Variants in DERL3 observed in about 807,000 individuals in gnomAD.
DERL3 encodes derlin-3.
A neutral mutation model predicts 23.8 loss-of-function variants in DERL3; 20 were observed. The ratio of observed to expected loss-of-function variants is 0.84; its 90% CI spans 0.59 to 1.22. The LOEUF is 1.22. Ranked by LOEUF, DERL3 falls within the 50% of genes most tolerant of loss-of-function variation. DERL3 has a pLI of 0.00. For synonymous variants in DERL3, 145 were observed against 132.5 expected (o/e 1.09, Z -0.65); for missense variants, 319 against 304.1 (o/e 1.05, Z -0.36).
Position 23,835,334 on chromosome 22 carries a change from G to A in DERL3, c.*1535C>T. On this transcript the variant is annotated 3_prime_UTR_variant, in exon 7 of 7. Transcript: ENST00000318109. ...CTGAAGAGAATGGGCACAGATCCGGGCACAGATCCCAGCACAGACTGCTGC... is the reference window on the plus strand; with the variant it reads ...CTGAAGAGAATGGGCACAGATCCGGACACAGATCCCAGCACAGACTGCTGC... 1.0e-6 allele frequency: 1 copy of A among 1,003,998 alleles called. No individual in the cohort carries two copies. Among genetic ancestry groups the A allele is most frequent in the Non-Finnish European group, 1.2e-6 (1 of 842,744 alleles). 62.2% of individuals were successfully genotyped at this position (1,003,998 alleles called of 1,614,324 possible).
In DERL3 at chr22:23,834,992, G is replaced by C; in HGVS notation, c.*1877C>G. 3.3e-6 allele frequency: 5 copies of C among 1,499,106 alleles called. No homozygotes were observed. Among genetic ancestry groups the C allele is most frequent in the Non-Finnish European group, 4.4e-6 (5 of 1,126,706 alleles). 92.9% of individuals were successfully genotyped at this position (1,499,106 alleles called of 1,614,324 possible). A position where few individuals can be genotyped will look rare whatever the true frequency, so the allele number is the denominator to read the frequency against. ...GGCTGTCGCCAGCCTGGGTGCAGGA[G>C]GGCTGTTCTAGCTCCAGTGGCACCC... On this transcript the variant is annotated 3_prime_UTR_variant, in exon 7 of 7. Coordinates refer to ENST00000318109, the MANE Select transcript of DERL3 (RefSeq NM_001002862.3).
At chr22:23,837,441 T>G in intron 5 of DERL3, 1 of 650,282 alleles carries the variant, frequency 1.5e-6, no homozygotes, top group South Asian at 2.0e-5. Context: ...ATCAGGACCG[T>G]GCAAGCATCA....
At position 23,835,028 on chromosome 22, in the gene DERL3, C is replaced by T; in HGVS notation, c.*1841G>A. 1 of 1,417,286 alleles carries T rather than the reference C, an allele frequency of 7.1e-7. No individual in the cohort carries two copies. The highest frequency in any genetic ancestry group is 9.2e-7 in the Non-Finnish European group (1 of 1,087,994). 87.8% of individuals were successfully genotyped at this position (1,417,286 alleles called of 1,614,324 possible). A position where few individuals can be genotyped will look rare whatever the true frequency, so the allele number is the denominator to read the frequency against. On this transcript the variant is annotated 3_prime_UTR_variant, in exon 7 of 7. Coordinates refer to ENST00000318109, the MANE Select transcript of DERL3 (RefSeq NM_001002862.3). ...GCTCCAGTGGCACCCATAGCCAGGT[C>T]AGCTGGGGCCCTTTCCCACCCCAGC...
At position 23,837,639 on chromosome 22, in the gene DERL3, A is replaced by G; in HGVS notation, c.523+20T>C. ...GGGAGTGGCCAGCCTGGGGCGGACT[A>G]GATGTACCGGGAGGCTCACCCAGCA... On this transcript the variant is annotated intron_variant, in intron 5 of 6. Transcript: ENST00000318109. 2 of 1,607,794 alleles carry G rather than the reference A, an allele frequency of 1.2e-6. No individual in the cohort carries two copies. Among genetic ancestry groups the G allele is most frequent in the Admixed American group, 1.7e-5 (1 of 59,782 alleles).
Position 23,839,001 on chromosome 22 carries a change from G to A in DERL3, c.-14C>T. ...CTGCCACGCCATTGAACCTTCTCAA[G>A]CACGCGTGGCCCAGCCAGCAACGCG... On this transcript the variant is annotated 5_prime_UTR_variant, in exon 1 of 7. Transcript: ENST00000318109. The A allele has an allele frequency of 6.4e-7, 1 of 1,555,396 alleles. No individual in the cohort carries two copies. The highest frequency in any genetic ancestry group is 1.2e-5 in the South Asian group (1 of 84,638).
chr22:23,838,230 C>G (rs2031262431), intron 4 of DERL3, 122 bp downstream of exon 4: 1 of 1,550,156 alleles, frequency 6.5e-7, no homozygotes, highest in Admixed American at 2.0e-5. Context: ...GCCCTCAACA[C>G]ATACTAAGCT....
chr22:23,838,815 C>T (rs906869068), intron 1 of DERL3, 39 bp from the exon 2 acceptor site: 11 of 1,551,052 alleles, frequency 7.1e-6, no homozygotes, highest in Non-Finnish European at 9.6e-6. Flanking sequence ...GCCCGGGAGC[C>T]ACGCCGTAAC....
Position 23,835,346 on chromosome 22 carries a change from GCA to G in DERL3, c.*1521_*1522del. On this transcript the variant is annotated 3_prime_UTR_variant, in exon 7 of 7. Transcript: ENST00000318109. ...GGCACAGATCCGGGCACAGATCCCA[GCA>G]CAGACTGCTGCCACCCTCAGCTGTT... 4 of 997,098 alleles carry G rather than the reference GCA, an allele frequency of 4.0e-6. No individual in the cohort carries two copies. The South Asian group carries it at 1.9e-4, about 46-fold the overall frequency. 61.8% of individuals were successfully genotyped at this position (997,098 alleles called of 1,614,324 possible).
rs1348188957 is a variant in DERL3 at position 23,835,963 on chromosome 22, G to A, written c.*906C>T. The A allele has an allele frequency of 1.7e-5, 17 of 985,372 alleles. No individual in the cohort carries two copies. Among genetic ancestry groups the A allele is most frequent in the Non-Finnish European group, 2.0e-5 (17 of 829,954 alleles). The allele number at this position is 985,372 out of a possible 1,614,324, so 61.0% of individuals were successfully genotyped here. On this transcript the variant is annotated 3_prime_UTR_variant, in exon 7 of 7. Coordinates refer to ENST00000318109, the MANE Select transcript of DERL3 (RefSeq NM_001002862.3). ...CAACAGAGAACAGTGTTGTTACCATGAAAATGACAACCTGTCTTTGGAGGA... is the reference window on the plus strand; with the variant it reads ...CAACAGAGAACAGTGTTGTTACCATAAAAATGACAACCTGTCTTTGGAGGA...
chr22:23,838,397 C>A lies in DERL3; in HGVS notation c.282G>T (p.Thr94=). 1 of 1,610,068 alleles carries A rather than the reference C, an allele frequency of 6.2e-7. No individual in the cohort carries two copies. The highest frequency in any genetic ancestry group is 1.7e-5 in the Admixed American group (1 of 59,588). Reference sequence around the variant, plus strand: ...AGAGAAACATGAAGACGAAGTCGGCCGTGCGGCCGCGGAAGGAGCCCTCTT... The same window carrying A: ...AGAGAAACATGAAGACGAAGTCGGCAGTGCGGCCGCGGAAGGAGCCCTCTT... ...MLEEGSFRGR[T]ADFVFMFLFG... is the part of the protein sequence containing the mutation. Residue 94 remains threonine, a synonymous_variant, in exon 4 of 7, where the codon ACG becomes ACT. Transcript: ENST00000318109.
chr22:23,836,984 G>C (rs567035571), intron 6 of DERL3, 22 bp from the exon 7 acceptor site: 1 of 1,607,458 alleles, frequency 6.2e-7, no homozygotes, highest in South Asian at 1.1e-5. Flanking sequence ...GGCCCGTGTT[G>C]AGCACAGGCC....
chr22:23,836,997 C>T (rs1423891924), intron 6 of DERL3, 35 bp from the exon 7 acceptor site: 7 of 1,610,932 alleles, frequency 4.3e-6, no homozygotes, highest in African/African-American at 1.3e-5. Context: ...CACAGGCCAG[C>T]ACAGGTCCCC....
Position 23,837,784 on chromosome 22 carries a change from C to T in DERL3, c.398G>A (p.Ser133Asn). ...GACCCTCACCCGAGGGCTGCGGCGG[C>T]TCCACACGTACACCAGCATGGCCAT... is the stretch of plus-strand genomic sequence containing the variant. Reference protein sequence around the residue: ...ALMAMLVYVWSRRSPRVRVNF... With the variant: ...ALMAMLVYVWNRRSPRVRVNF... Residue 133 changes from serine (S) to asparagine (N), a missense_variant, in exon 5 of 7, where the codon AGC becomes AAC. Physicochemically the swap from Ser to Asn is conservative, Grantham distance 46. Transcript: ENST00000318109. The T allele has an allele frequency of 6.2e-7, 1 of 1,613,856 alleles. No homozygotes were observed.
Position 23,836,715 on chromosome 22 carries a change from G to A in DERL3, c.*154C>T, listed in dbSNP as rs762241597. On this transcript the variant is annotated 3_prime_UTR_variant, in exon 7 of 7. Transcript: ENST00000318109. ...GTGGCCAGGTGAGATGGGGAAGCCA[G>A]TGCTGTGGGCCAAGAGACTGCAGCT... 6 of 1,343,040 alleles carry A rather than the reference G, an allele frequency of 4.5e-6. No homozygotes were observed. The highest frequency in any genetic ancestry group is 5.7e-6 in the Non-Finnish European group (6 of 1,053,986). 83.2% of individuals were successfully genotyped at this position (1,343,040 alleles called of 1,614,324 possible). A position where few individuals can be genotyped will look rare whatever the true frequency, so the allele number is the denominator to read the frequency against.
chr22:23,838,932 GC>G lies in DERL3; in HGVS notation c.55del (p.Ala19LeufsTer90). 5 of 1,579,424 alleles carry G rather than the reference GC, an allele frequency of 3.2e-6. No individual in the cohort carries two copies. In the South Asian group the frequency reaches 4.6e-5, roughly 15 times the overall value. ...GGTGAGGACACAGGCTGCGGTGTAA[GC>G]CCGCGTCACCGCCGGCACCTGCAGG... Reference protein sequence around the residue: ...EFLQVPAVTRAYTAACVLTTA... With the variant: ...EFLQVPAVTRXYTAACVLTTA... On this transcript the variant is annotated frameshift_variant, in exon 1 of 7. Transcript: ENST00000318109. LOFTEE classifies it high-confidence loss of function.
Position 23,836,195 on chromosome 22 carries a change from G to A in DERL3, c.*674C>T. The A allele has an allele frequency of 2.0e-6, 2 of 985,448 alleles. No individual in the cohort carries two copies. The highest frequency in any genetic ancestry group is 2.4e-6 in the Non-Finnish European group (2 of 829,920). The allele number at this position is 985,448 out of a possible 1,614,324, so 61.0% of individuals were successfully genotyped here. On this transcript the variant is annotated 3_prime_UTR_variant, in exon 7 of 7. Coordinates refer to ENST00000318109, the MANE Select transcript of DERL3 (RefSeq NM_001002862.3). Reference sequence around the variant, plus strand: ...GAACTCTGCTAAGGTGAAAACTTAGGCTCTGAGGTCATAGAAAGGGCAGAA... The same window carrying A: ...GAACTCTGCTAAGGTGAAAACTTAGACTCTGAGGTCATAGAAAGGGCAGAA...
Position 23,837,658 on chromosome 22 carries a change from C to T in DERL3, c.523+1G>A, listed in dbSNP as rs1261714191. ...CGGACTAGATGTACCGGGAGGCTCA[C>T]CCAGCAGGTCCACGAGGATGGAGTT... On this transcript the variant is annotated splice_donor_variant, in intron 5 of 6. Transcript: ENST00000318109. LOFTEE classifies it high-confidence loss of function. 8 of 1,611,714 alleles carry T rather than the reference C, an allele frequency of 5.0e-6. No individual in the cohort carries two copies. The highest frequency in any genetic ancestry group is 5.9e-6 in the Non-Finnish European group (7 of 1,178,530).
At position 23,836,918 on chromosome 22, in the gene DERL3, G is replaced by A. The variant is rs950737990; in HGVS notation, c.659C>T (p.Pro220Leu). 1 of 1,538,018 alleles carries A rather than the reference G, an allele frequency of 6.5e-7. No homozygotes were observed. The highest frequency in any genetic ancestry group is 8.7e-7 in the Non-Finnish European group (1 of 1,144,216). ...GGGTCCTGGCTGTTCCTCAGGGAGGGGCAGGTAATTGGGGTCTTCTGCAGG... is the reference window on the plus strand; with the variant it reads ...GGGTCCTGGCTGTTCCTCAGGGAGGAGCAGGTAATTGGGGTCTTCTGCAGG... The part of the protein sequence containing the change: ...DAPAEDPNYL[P>L]LPEEQPGPHL... Residue 220 changes from proline (P) to leucine (L), a missense_variant, in exon 7 of 7, where the codon CCC becomes CTC. By Grantham distance (98) the Pro-to-Leu change is moderately conservative (BLOSUM62 -3). Coordinates refer to ENST00000318109, the MANE Select transcript of DERL3 (RefSeq NM_001002862.3).
At chr22:23,837,486 C>T (rs1186105948) in intron 5 of DERL3, 173 bp downstream of exon 5, 26 of 714,570 alleles carry the variant, frequency 3.6e-5, no homozygotes, top group South Asian at 2.4e-4. Context: ...TTATGTGGGC[C>T]GGCTGGCTTG....
Sources: gnomAD v4.1 joint callset for allele counts on GRCh38, gnomAD v4.1.1 for gene constraint, MANE v1.5 for transcripts, NCBI Gene and HGNC (gene_info 2026-07-23, HGNC 2026-07-21) for gene names.